The following PSMD1 variants were observed in gnomAD, a reference collection of about 807,000 sequenced individuals.
PSMD1 encodes proteasome 26S subunit, non-ATPase 1, also known as 26S proteasome non-ATPase regulatory subunit 1.
A neutral mutation model predicts 119.0 loss-of-function variants in PSMD1; 18 were observed. That is an observed-to-expected ratio of 0.15 (90% CI 0.10 to 0.22). The LOEUF is 0.22. Among genes scored for constraint, PSMD1 ranks in the 10% least tolerant of loss-of-function variants. PSMD1 has a pLI of 1.00. For synonymous variants in PSMD1, 374 were observed against 396.6 expected (o/e 0.94, Z 0.68); for missense variants, 702 against 1,158.5 (o/e 0.61, Z 5.72).
intron 16 of PSMD1, among the ~76,000 whole-genome samples, chr2:231,102,976 T>C (rs73084053): frequency 0.14 from 21,999 of 152,250 alleles, 3,270 homozygotes; most frequent in African/African-American, 0.38. Context: ...ATACGTCTTA[T>C]GTCCTTTTAA....
rs767144078 is a variant in PSMD1 at position 231,080,188 on chromosome 2, G to A, written c.1287G>A (p.Lys429=). The part of the protein sequence containing the change: ...ALQLMATYLP[K]DTSPGSAYQE... The stretch of plus-strand genomic sequence containing the variant: ...AGTTAATGGCAACATACCTTCCCAA[G>A]GATACTTCTCCAGGATCAGCCTATC... The change falls in exon 12 of 25, where the codon AAG becomes AAA. Residue 429 remains lysine (K), a synonymous_variant. Coordinates refer to ENST00000308696, the MANE Select transcript of PSMD1 (RefSeq NM_002807.4). The A allele has an allele frequency of 1.3e-5, 21 of 1,613,630 alleles. No individual in the cohort carries two copies. The highest frequency in any genetic ancestry group is 1.6e-5 in the Non-Finnish European group (19 of 1,179,798).
intron 16 of PSMD1, chr2:231,123,705 C>G: frequency 6.2e-7 from 1 of 1,614,096 alleles, no homozygotes; most frequent in Non-Finnish European, 8.5e-7. Context: ...CAAAGGTGCT[C>G]TGCAAAATGT....
At chr2:231,122,088 A>C (rs1329758688) in intron 16 of PSMD1, among the ~76,000 whole-genome samples, 21 of 152,116 alleles carry the variant, frequency 1.4e-4, no homozygotes. Flanking sequence ...TCATGGTTTC[A>C]TGCAGCATTA....
chr2:231,058,619 G>A (rs1693671959), intron 1 of PSMD1, among the ~76,000 whole-genome samples: 1 of 151,822 alleles, frequency 6.6e-6, no homozygotes, highest in Non-Finnish European at 1.5e-5. Context: ...GGAGCCAAAA[G>A]GTTGGACACC....
intron 16 of PSMD1, among the ~76,000 whole-genome samples, chr2:231,089,370 GA>G (rs1694530300): frequency 6.6e-6 from 1 of 152,186 alleles, no homozygotes; most frequent in African/African-American, 2.4e-5. Flanking sequence ...CTAGAGAGGA[GA>G]AGTCAATTCC....
intron 16 of PSMD1, among the ~76,000 whole-genome samples, chr2:231,118,250 A>G (rs1695411478): frequency 1.3e-5 from 2 of 152,096 alleles, no homozygotes; most frequent in Non-Finnish European, 2.9e-5. Context: ...GCTTATTACT[A>G]TTGTTTAACA....
chr2:231,109,227 T>A lies in PSMD1; in HGVS notation c.1883+22046T>A, dbSNP rs564438017. The A allele has an allele frequency of 1.4e-4, 232 of 1,614,182 alleles. 1 individual carries two copies. The South Asian group carries it at 2.0e-3, about 14-fold the overall frequency. On this transcript the variant is annotated intron_variant, in intron 16 of 24. Coordinates refer to ENST00000308696, the MANE Select transcript of PSMD1 (RefSeq NM_002807.4). ...TTGTTTTTGACTAAGTAAGCCTTCTTCTGTAAAGCATGGATAGTGAGAAAG... is the reference window on the plus strand; with the variant it reads ...TTGTTTTTGACTAAGTAAGCCTTCTACTGTAAAGCATGGATAGTGAGAAAG...
intron 16 of PSMD1, among the ~76,000 whole-genome samples, chr2:231,103,743 CTCTT>C (rs1294657699): frequency 2.6e-5 from 4 of 152,274 alleles, no homozygotes; most frequent in African/African-American, 4.8e-5. Flanking sequence ...GGCAACTAGA[CTCTT>C]TATCTGTTTT....
chr2:231,123,306 A>G, intron 16 of PSMD1: 2 of 849,276 alleles, frequency 2.4e-6, no homozygotes, highest in Non-Finnish European at 4.0e-6. Flanking sequence ...TAAATAGTCC[A>G]AGTTCATCTT....
intron 16 of PSMD1, chr2:231,123,460 A>G: frequency 6.2e-7 from 1 of 1,614,088 alleles, no homozygotes; most frequent in Non-Finnish European, 8.5e-7. Context: ...CAATCCAACC[A>G]GCAAATCAGC....
At position 231,085,114 on chromosome 2, in the gene PSMD1, T is replaced by A. The variant is rs1341937466; in HGVS notation, c.1818T>A (p.Ala606=). Residue 606 remains alanine (A), a splice_region_variant and synonymous_variant, in exon 15 of 25, where the codon GCT becomes GCA. Coordinates refer to ENST00000308696, the MANE Select transcript of PSMD1 (RefSeq NM_002807.4). ...CAATTCGACGCCTGCTACATGTTGCTGTAAGTACTCTGACCTTTCTTGGGA... is the reference window on the plus strand; with the variant it reads ...CAATTCGACGCCTGCTACATGTTGCAGTAAGTACTCTGACCTTTCTTGGGA... The part of the protein sequence containing the change: ...NKAIRRLLHV[A]VSDVNDDVRR... 1 of 1,612,184 alleles carries A rather than the reference T, an allele frequency of 6.2e-7. No individual in the cohort carries two copies. The highest frequency in any genetic ancestry group is 2.2e-5 in the East Asian group (1 of 44,870).
rs768913174 is a variant in PSMD1, at chr2:231,061,263, A to G, written c.17-4A>G. ...ATAATCATGTTACATCTTTTTTCTC[A>G]TAGCTGGAATTATTTCTCTTCTGGA... On this transcript the variant is annotated splice_polypyrimidine_tract_variant and splice_region_variant and intron_variant, in intron 1 of 24. Transcript: ENST00000308696. 1.2e-5 allele frequency: 19 copies of G among 1,587,352 alleles called. No homozygotes were observed. In the South Asian group the frequency reaches 2.1e-4, roughly 18 times the overall value.
chr2:231,163,635 A>G lies in PSMD1; in HGVS notation c.2389A>G (p.Met797Val). 1 of 1,607,212 alleles carries G rather than the reference A, an allele frequency of 6.2e-7. No homozygotes were observed. The highest frequency in any genetic ancestry group is 2.2e-5 in the East Asian group (1 of 44,820). ...CVIGLNKDLK[M>V]PKVQYKSNCK... ...TGTTATTTTAATGGAATTTCTTCAG[A>G]TGCCGAAAGTTCAGTATAAATCGAA... The change falls in exon 21 of 25, where the codon ATG (methionine) becomes GTG (valine). Residue 797 changes from methionine (M) to valine (V), a missense_variant and splice_region_variant. Met to Val is a conservative substitution (Grantham distance 21). Coordinates refer to ENST00000308696, the MANE Select transcript of PSMD1 (RefSeq NM_002807.4).
intron 17 of PSMD1, among the ~76,000 whole-genome samples, chr2:231,143,947 C>CT (rs1696191092): frequency 6.6e-6 from 1 of 152,158 alleles, no homozygotes; most frequent in African/African-American, 2.4e-5. Context: ...TGCTATTCTA[C>CT]TAGCTAGTAA....
intron 19 of PSMD1, among the ~76,000 whole-genome samples, chr2:231,157,444 T>A (rs1413917974): frequency 1.3e-5 from 2 of 150,660 alleles, no homozygotes; most frequent in African/African-American, 4.8e-5. Flanking sequence ...TTTTTTTTTT[T>A]TATATCTTCT....
intron 9 of PSMD1, 132 bp downstream of exon 9, chr2:231,077,294 T>C: frequency 1.4e-6 from 1 of 736,594 alleles, no homozygotes. Flanking sequence ...ATTTAAGTTT[T>C]GAAAAAATAG....
Position 231,138,772 on chromosome 2 carries a change from G to A in PSMD1, c.1920G>A (p.Leu640=). ...AGTGCCCAAGTGTTGTCTCTTTGTT[G>A]TCAGAGAGTTACAACCCTCATGTGC... ...PEQCPSVVSL[L]SESYNPHVRY... is the part of the protein sequence containing the mutation. The change falls in exon 17 of 25, where the codon TTG becomes TTA. Residue 640 remains leucine (L), a synonymous_variant. Coordinates refer to ENST00000308696, the MANE Select transcript of PSMD1 (RefSeq NM_002807.4). The A allele has an allele frequency of 6.2e-7, 1 of 1,614,056 alleles. No homozygotes were observed. The highest frequency in any genetic ancestry group is 8.5e-7 in the Non-Finnish European group (1 of 1,179,998).
intron 16 of PSMD1, among the ~76,000 whole-genome samples, chr2:231,104,824 G>A (rs1209535254): frequency 1.3e-5 from 2 of 152,052 alleles, no homozygotes; most frequent in African/African-American, 4.8e-5. Context: ...TAATATTTGA[G>A]AAGTGTCTGT....
chr2:231,165,850 T>G, intron 22 of PSMD1, 21 bp from the exon 23 acceptor site: 1 of 1,553,970 alleles, frequency 6.4e-7, no homozygotes, highest in South Asian at 1.2e-5. Flanking sequence ...TGTTGAACTT[T>G]TTTTAAATTT....
Sources: gnomAD v4.1 joint callset for allele counts (sites outside exome capture counted in the v4.1 genomes callset) on GRCh38, gnomAD v4.1.1 for gene constraint, MANE v1.5 for transcripts, NCBI Gene and HGNC (gene_info 2026-07-23, HGNC 2026-07-21) for gene names.